The following COL24A1 variants were observed in gnomAD, a reference collection of about 807,000 sequenced individuals.
COL24A1 encodes collagen alpha-1(XXIV) chain.
COL24A1 carries 224 observed loss-of-function variants against 253.9 expected under a neutral mutation model. The observed-to-expected ratio is 0.88, with a 90% CI of 0.79 to 0.99. The LOEUF (loss-of-function observed/expected upper bound fraction) is 0.99. Ranked by LOEUF, COL24A1 falls within the 50% of genes least tolerant of loss-of-function variation. COL24A1 has a pLI of 0.00. For missense variants in COL24A1, 2,131 were observed against 2,068.5 expected (o/e 1.03, Z -0.59); for synonymous variants, 685 against 673.7 (o/e 1.02, Z -0.26).
intron 57 of COL24A1, among the ~76,000 whole-genome samples, chr1:85,742,922 C>G (rs537171548): frequency 1.3e-5 from 2 of 152,234 alleles, no homozygotes; most frequent in East Asian, 3.9e-4. Flanking sequence ...AAGCATAAAG[C>G]ATATTCAAGA....
At chr1:85,843,022 C>T (rs907973701) in intron 39 of COL24A1, among the ~76,000 whole-genome samples, 5 of 151,814 alleles carry the variant, frequency 3.3e-5, no homozygotes, top group Admixed American at 3.3e-4. Flanking sequence ...AACAAACAAA[C>T]AAACAAAAAA....
rs1671999200 is a variant in COL24A1, at chr1:85,806,632, C to A, written c.3951+10156G>T. Among the ~76,000 whole-genome samples, 4 of 151,938 alleles carry A rather than the reference C, an allele frequency of 2.6e-5. No individual in the cohort carries two copies. The South Asian group carries it at 8.4e-4, about 32-fold the overall frequency. On this transcript the variant is annotated intron_variant, in intron 47 of 59. Transcript: ENST00000370571. Reference sequence around the variant, plus strand: ...TTCTACCACTAAAAAAATGTAAAAACCATTTTTAGCTCATGGGCCATACAA... The same window carrying A: ...TTCTACCACTAAAAAAATGTAAAAAACATTTTTAGCTCATGGGCCATACAA...
chr1:85,813,613 G>C (rs1296921261), intron 47 of COL24A1, among the ~76,000 whole-genome samples: 50 of 131,832 alleles, frequency 3.8e-4, no homozygotes, highest in Non-Finnish European at 6.4e-4. Flanking sequence ...TGCAGTGGCG[G>C]GATCTCGGCT....
chr1:86,072,307 G>A (rs1034908306), intron 7 of COL24A1, among the ~76,000 whole-genome samples: 13 of 152,186 alleles, frequency 8.5e-5, no homozygotes, highest in Non-Finnish European at 1.5e-5. Context: ...GACCTGGGAT[G>A]CTTGAGCTTG....
At chr1:85,789,618 T>C (rs1670055306) in intron 47 of COL24A1, among the ~76,000 whole-genome samples, 1 of 152,168 alleles carries the variant, frequency 6.6e-6, no homozygotes, top group Non-Finnish European at 1.5e-5. Context: ...GGGGTATCCT[T>C]GCCTTGTGCC....
intron 24 of COL24A1, 120 bp from the exon 25 acceptor site, chr1:85,911,553 G>A: frequency 2.4e-6 from 2 of 839,976 alleles, no homozygotes; most frequent in Non-Finnish European, 4.0e-6. Flanking sequence ...TGTTATCTTG[G>A]AGTAAAATTC....
chr1:85,793,768 T>C (rs1034836090), intron 47 of COL24A1, among the ~76,000 whole-genome samples: 7 of 152,192 alleles, frequency 4.6e-5, no homozygotes. Flanking sequence ...ATACAAATGA[T>C]AGTCATCTGA....
intron 32 of COL24A1, among the ~76,000 whole-genome samples, chr1:85,884,242 A>G (rs890662389): frequency 1.3e-5 from 2 of 151,964 alleles, no homozygotes; most frequent in African/African-American, 2.4e-5. Context: ...ACCTTGCCTT[A>G]TAATTTTTTT....
intron 2 of COL24A1, among the ~76,000 whole-genome samples, chr1:86,141,573 C>T (rs1466489020): frequency 6.6e-6 from 1 of 152,198 alleles, no homozygotes; most frequent in East Asian, 1.9e-4. Context: ...TCCTTCTCTA[C>T]ATGCCTTAGA....
At chr1:85,807,313 C>A (rs1199477762) in intron 47 of COL24A1, among the ~76,000 whole-genome samples, 1 of 152,202 alleles carries the variant, frequency 6.6e-6, no homozygotes, top group Non-Finnish European at 1.5e-5. Flanking sequence ...ACCACAGCCC[C>A]TGGAAGGGCT....
chr1:85,758,305 C>T (rs570375770), intron 55 of COL24A1, among the ~76,000 whole-genome samples: 82 of 152,118 alleles, frequency 5.4e-4, no homozygotes, highest in Middle Eastern at 6.8e-3. Context: ...TTCACCAATC[C>T]AGGTTCTACA....
At chr1:86,108,859 C>T (rs1002907694) in intron 5 of COL24A1, among the ~76,000 whole-genome samples, 3 of 151,488 alleles carry the variant, frequency 2.0e-5, no homozygotes, top group African/African-American at 7.3e-5. Context: ...CTTGCCACTG[C>T]AGATTGAGAG....
chr1:85,861,106 T>G (rs983392791), intron 37 of COL24A1, among the ~76,000 whole-genome samples: 1 of 152,216 alleles, frequency 6.6e-6, no homozygotes, highest in African/African-American at 2.4e-5. Flanking sequence ...CTGCAGATTT[T>G]ATATCTCATC....
At chr1:85,884,278 A>G (rs1682213075) in intron 32 of COL24A1, among the ~76,000 whole-genome samples, 1 of 152,164 alleles carries the variant, frequency 6.6e-6, no homozygotes, top group African/African-American at 2.4e-5. Context: ...ATGTAAATGT[A>G]AATGAAACCA....
chr1:85,779,395 T>C (rs2101528259), intron 52 of COL24A1, among the ~76,000 whole-genome samples: 1 of 152,292 alleles, frequency 6.6e-6, no homozygotes, highest in South Asian at 2.1e-4. Flanking sequence ...ATTTTTTTTT[T>C]CCTTTGGATA....
intron 20 of COL24A1, among the ~76,000 whole-genome samples, chr1:85,973,549 A>G (rs1159167434): frequency 6.6e-6 from 1 of 152,212 alleles, no homozygotes; most frequent in Non-Finnish European, 1.5e-5. Context: ...ATAAAAAATT[A>G]TAAACAACTT....
intron 20 of COL24A1, among the ~76,000 whole-genome samples, chr1:85,983,526 C>T (rs1443107399): frequency 5.3e-5 from 8 of 151,778 alleles, no homozygotes; most frequent in South Asian, 2.1e-4. Context: ...TGGAAAGAAC[C>T]CAAATTGTTT....
intron 28 of COL24A1, among the ~76,000 whole-genome samples, chr1:85,901,824 C>CAAAAAAAAAA (rs55862441): frequency 2.8e-4 from 16 of 57,782 alleles, no homozygotes; most frequent in Non-Finnish European, 3.8e-4. Flanking sequence ...GACTCCGTCT[C>CAAAAAAAAAA]AAAAAAAAAA....
At chr1:85,940,824 G>T (rs1688692651) in intron 24 of COL24A1, among the ~76,000 whole-genome samples, 2 of 152,318 alleles carry the variant, frequency 1.3e-5, no homozygotes, top group Admixed American at 6.5e-5. Context: ...TGCCTGGAAT[G>T]TCTACTCAAC....
Sources: gnomAD v4.1 joint callset for allele counts (sites outside exome capture counted in the v4.1 genomes callset) on GRCh38, gnomAD v4.1.1 for gene constraint, MANE v1.5 for transcripts, NCBI Gene and HGNC (gene_info 2026-07-23, HGNC 2026-07-21) for gene names.